The following KLF8 variants were observed in gnomAD, a reference collection of about 807,000 sequenced individuals.
KLF8 encodes the protein Krueppel-like factor 8.
KLF8 carries 10 observed loss-of-function variants against 18.2 expected under a neutral mutation model. The ratio of observed to expected loss-of-function variants is 0.55; its 90% CI spans 0.34 to 0.93. The LOEUF is 0.93. KLF8 is among the 40% of genes least tolerant of loss of function. The pLI is 0.02. For missense variants in KLF8, 264 were observed against 277.9 expected, an observed-to-expected ratio of 0.95 and a Z score of 0.36; for synonymous variants, 109 against 97.3, an observed-to-expected ratio of 1.12 and a Z score of -0.71.
At chrX:56,254,199 C>T (rs2066757251) in intron 2 of KLF8, among the ~76,000 whole-genome samples, 1 of 111,935 alleles carries the variant, frequency 8.9e-6, no homozygotes, top group Non-Finnish European at 1.9e-5. Context: ...ATTTCCTTGA[C>T]CCCTTCGTGG....
the KLF8 span, among the ~76,000 whole-genome samples, chrX:56,193,642 A>C: frequency 2.7e-5 from 3 of 112,512 alleles, no homozygotes; most frequent in East Asian, 8.4e-4. Context: ...GCCATAAAAA[A>C]GATTGAAATT....
the KLF8 span, among the ~76,000 whole-genome samples, chrX:56,124,882 G>A: frequency 8.9e-6 from 1 of 112,043 alleles, no homozygotes; most frequent in Non-Finnish European, 1.9e-5. Flanking sequence ...GTCAGAGGAA[G>A]CTCAATTGTA....
At chrX:56,162,497 A>T in the KLF8 span, among the ~76,000 whole-genome samples, 1 of 111,596 alleles carries the variant, frequency 9.0e-6, no homozygotes, top group Non-Finnish European at 1.9e-5. Context: ...CCTCTCTGCC[A>T]CCTTGCAGTT....
chrX:56,123,554 A>G, the KLF8 span, among the ~76,000 whole-genome samples: 1 of 112,179 alleles, frequency 8.9e-6, no homozygotes, highest in Non-Finnish European at 1.9e-5. Flanking sequence ...GGTTTCACTC[A>G]TTAAGGAAGG....
At chrX:56,269,355 C>T in intron 3 of KLF8, 23 bp from the exon 4 acceptor site, 3 of 1,192,548 alleles carry the variant, frequency 2.5e-6, no homozygotes, top group Non-Finnish European at 3.4e-6. Context: ...TCAGCTCACA[C>T]TGCTCCCTTT....
the KLF8 span, among the ~76,000 whole-genome samples, chrX:56,187,898 C>G: frequency 8.9e-6 from 1 of 111,871 alleles, no homozygotes; most frequent in East Asian, 2.8e-4. Context: ...CTATCTATGA[C>G]AAATCCACAG....
At chrX:56,143,304 A>G in the KLF8 span, among the ~76,000 whole-genome samples, 7 of 111,871 alleles carry the variant, frequency 6.3e-5, no homozygotes, top group Non-Finnish European at 1.3e-4. Flanking sequence ...CTTAAATGCT[A>G]CTTTCTTTAA....
At chrX:56,160,782 T>C in the KLF8 span, among the ~76,000 whole-genome samples, 1 of 111,412 alleles carries the variant, frequency 9.0e-6, no homozygotes, top group Non-Finnish European at 1.9e-5. Context: ...CCTATGTGTG[T>C]CTCTGCGCGT....
At chrX:55,961,308 T>C in the KLF8 span, 3 of 405,913 alleles carry the variant, frequency 7.4e-6, no homozygotes, top group East Asian at 1.6e-4. Context: ...GGTGGACCTA[T>C]GTGGAGATGG....
At chrX:56,009,973 A>G in the KLF8 span, among the ~76,000 whole-genome samples, 1 of 112,154 alleles carries the variant, frequency 8.9e-6, no homozygotes, top group Non-Finnish European at 1.9e-5. Flanking sequence ...AAAAAACCAA[A>G]CCTATGACTG....
chrX:55,920,954 G>T, the KLF8 span, among the ~76,000 whole-genome samples: 2 of 111,866 alleles, frequency 1.8e-5, no homozygotes, highest in Non-Finnish European at 3.8e-5. Context: ...AGGCAATACC[G>T]TTCAGAACAT....
chrX:56,087,530 C>G, the KLF8 span, among the ~76,000 whole-genome samples: 1 of 110,667 alleles, frequency 9.0e-6, no homozygotes, highest in Non-Finnish European at 1.9e-5. Context: ...CCCCAGAATT[C>G]AAGCAGATGC....
chrX:56,198,218 G>A, the KLF8 span, among the ~76,000 whole-genome samples: 4 of 111,968 alleles, frequency 3.6e-5, no homozygotes, highest in East Asian at 2.8e-4. Context: ...ATTCAACATA[G>A]CGTTGGAAGT....
At chrX:56,086,422 T>C in the KLF8 span, among the ~76,000 whole-genome samples, 1 of 110,733 alleles carries the variant, frequency 9.0e-6, no homozygotes, top group African/African-American at 3.3e-5. Flanking sequence ...AGAGCAAGGT[T>C]CTATAAAATA....
the KLF8 span, among the ~76,000 whole-genome samples, chrX:56,145,533 C>T: frequency 3.6e-5 from 4 of 111,872 alleles, no homozygotes; most frequent in Admixed American, 9.5e-5. Flanking sequence ...TCGCAATAAC[C>T]AAAAAGTAGA....
chrX:56,114,443 T>C, the KLF8 span, among the ~76,000 whole-genome samples: 1 of 112,933 alleles, frequency 8.9e-6, no homozygotes, highest in South Asian at 3.6e-4. Flanking sequence ...TTTTTCTTTC[T>C]AAACTTCAGT....
the KLF8 span, among the ~76,000 whole-genome samples, chrX:55,997,822 C>G: frequency 9.0e-6 from 1 of 110,999 alleles, no homozygotes; most frequent in African/African-American, 3.3e-5. Context: ...TAAGGTGGAA[C>G]AAGAGACTTG....
the KLF8 span, among the ~76,000 whole-genome samples, chrX:55,938,908 T>A: frequency 9.0e-6 from 1 of 111,584 alleles, no homozygotes; most frequent in South Asian, 3.7e-4. Flanking sequence ...AGACTTAGAT[T>A]CCCACACAAT....
the KLF8 span, among the ~76,000 whole-genome samples, chrX:56,048,855 G>C: frequency 9.0e-6 from 1 of 111,408 alleles, no homozygotes; most frequent in Non-Finnish European, 1.9e-5. Context: ...AAATTACCTT[G>C]GGCAGTATGG....
Sources: gnomAD v4.1 joint callset for allele counts (sites outside exome capture counted in the v4.1 genomes callset) on GRCh38, gnomAD v4.1.1 for gene constraint, MANE v1.5 for transcripts, NCBI Gene and HGNC (gene_info 2026-07-23, HGNC 2026-07-21) for gene names.